LRRC70: variants seen among roughly 807,000 people sequenced by gnomAD.
The protein encoded by LRRC70 is leucine-rich repeat-containing protein 70.
Under a neutral mutation model 42.4 loss-of-function variants are expected in LRRC70, and 31 were observed. That is an observed-to-expected ratio of 0.73 (90% CI 0.55 to 0.99). LRRC70 has a LOEUF of 0.99. Ranked by LOEUF, LRRC70 falls within the 50% of genes least tolerant of loss-of-function variation. The pLI is 0.00. For missense variants in LRRC70, 643 were observed against 707.5 expected (o/e 0.91, Z 1.03); for synonymous variants, 270 against 262.9 (o/e 1.03, Z -0.26).
At position 62,581,138 on chromosome 5, in the gene LRRC70, T is replaced by A; in HGVS notation, c.1700T>A (p.Leu567His). 1 of 1,550,722 alleles carries A rather than the reference T, an allele frequency of 6.4e-7. No individual in the cohort carries two copies. Among genetic ancestry groups the A allele is most frequent in the Non-Finnish European group, 8.7e-7 (1 of 1,146,652 alleles). ...KASENSRENR[L>H]EYYSFYQSAR... is the part of the protein sequence containing the mutation. ...TCAGAAAACTCAAGGGAAAATAGAC[T>A]TGAATACTACAGCTTTTATCAGTCA... Residue 567 changes from leucine (L) to histidine (H), a missense_variant, in exon 2 of 2, where the codon CTT (leucine) becomes CAT (histidine). Physicochemically the swap from Leu to His is moderately conservative, Grantham distance 99. Transcript: ENST00000334994.
At chr5:62,579,370 T>C in intron 1 of LRRC70, 31 bp from the exon 2 acceptor site, 1 of 1,424,372 alleles carries the variant, frequency 7.0e-7, no homozygotes, top group South Asian at 1.2e-5. Context: ...GAAGTTTTCG[T>C]GATTTAAAGC....
rs1402323799 is a variant in LRRC70 at position 62,581,316 on chromosome 5, A to T, written c.*9A>T. 1.3e-6 allele frequency: 2 copies of T among 1,488,010 alleles called. No individual in the cohort carries two copies. Among genetic ancestry groups the T allele is most frequent in the Admixed American group, 5.5e-5 (2 of 36,670 alleles). 92.2% of individuals were successfully genotyped at this position (1,488,010 alleles called of 1,614,324 possible). ...AACATTCTGCTTTATAACTCAACTA[A>T]ATATTGTCTATAAGAAACTTCAGTG... On this transcript the variant is annotated 3_prime_UTR_variant, in exon 2 of 2. Transcript: ENST00000334994.
In LRRC70 at chr5:62,579,637, C is replaced by CT. The variant is rs1435193163; in HGVS notation, c.200dup (p.Thr68AspfsTer4). ...TCCTGAAAGTACAGTTTTTCTGTAT[C>CT]TGACTGGGAATAATATATCTTATAT... is the stretch of plus-strand genomic sequence containing the variant. On this transcript the variant is annotated frameshift_variant, in exon 2 of 2. Coordinates refer to ENST00000334994, the MANE Select transcript of LRRC70 (RefSeq NM_181506.5). LOFTEE classifies it high-confidence loss of function. The CT allele has an allele frequency of 6.5e-7, 1 of 1,549,722 alleles. No individual in the cohort carries two copies. The highest frequency in any genetic ancestry group is 1.2e-5 in the South Asian group (1 of 83,832).
Position 62,580,744 on chromosome 5 carries a change from A to C in LRRC70, c.1306A>C (p.Lys436Gln), listed in dbSNP as rs1580348562. ...TACTGCGCTAATGATGGCCTGGCAT[A>C]AAGTAACCACAAATGGCAGTCCTCT... is the stretch of plus-strand genomic sequence containing the variant. ...KTTALMMAWH[K>Q]VTTNGSPLEN... is the part of the protein sequence containing the mutation. The change falls in exon 2 of 2, where the codon AAA (lysine) becomes CAA (glutamine). Residue 436 changes from lysine to glutamine, a missense_variant. By Grantham distance (53) the Lys-to-Gln change is moderately conservative (BLOSUM62 1). Coordinates refer to ENST00000334994, the MANE Select transcript of LRRC70 (RefSeq NM_181506.5). 6.4e-7 allele frequency: 1 copy of C among 1,551,494 alleles called. No homozygotes were observed. Among genetic ancestry groups the C allele is most frequent in the East Asian group, 2.4e-5 (1 of 40,922 alleles).
chr5:62,580,981 CTAATT>C lies in LRRC70; in HGVS notation c.1545_1549del (p.Ile516TyrfsTer5). 6.4e-7 allele frequency: 1 copy of C among 1,551,144 alleles called. No homozygotes were observed. Among genetic ancestry groups the C allele is most frequent in the Non-Finnish European group, 8.7e-7 (1 of 1,146,792 alleles). On this transcript the variant is annotated frameshift_variant, in exon 2 of 2. Transcript: ENST00000334994. LOFTEE classifies it high-confidence loss of function. ...TGCTTCAATGTCAGGGAAAACATCT[CTAATT>C]TGTACACAAGAAGTTGAGAAGTTGA...
chr5:62,580,016 T>C lies in LRRC70; in HGVS notation c.578T>C (p.Leu193Ser), dbSNP rs184754326. The part of the protein sequence containing the change: ...RILDLSNNNI[L>S]RISESGFQHL... Reference sequence around the variant, plus strand: ...CTTGATTTATCAAACAATAACATTTTGAGGATATCAGAATCAGGCTTTCAA... The same window carrying C: ...CTTGATTTATCAAACAATAACATTTCGAGGATATCAGAATCAGGCTTTCAA... The change falls in exon 2 of 2, where the codon TTG becomes TCG. Residue 193 changes from leucine to serine, a missense_variant. Transcript: ENST00000334994. 4.5e-6 allele frequency: 7 copies of C among 1,551,300 alleles called. No individual in the cohort carries two copies. In the East Asian group the frequency reaches 1.7e-4, roughly 38 times the overall value.
rs1744485192 is a variant in LRRC70, at chr5:62,579,999, A to G, written c.561A>G (p.Leu187=). The change falls in exon 2 of 2, where the codon TTA becomes TTG. Residue 187 remains leucine, a synonymous_variant. Coordinates refer to ENST00000334994, the MANE Select transcript of LRRC70 (RefSeq NM_181506.5). The part of the protein sequence containing the change: ...VGMVALRILD[L]SNNNILRISE... ...TGGTTGCTCTTCGGATACTTGATTT[A>G]TCAAACAATAACATTTTGAGGATAT... The G allele has an allele frequency of 1.9e-6, 3 of 1,551,270 alleles. No individual in the cohort carries two copies. In the East Asian group the frequency reaches 7.3e-5, roughly 38 times the overall value.
In LRRC70 at chr5:62,579,834, A is replaced by G. The variant is rs1251954375; in HGVS notation, c.396A>G (p.Leu132=). 6.5e-7 allele frequency: 1 copy of G among 1,547,616 alleles called. No homozygotes were observed. The highest frequency in any genetic ancestry group is 8.7e-7 in the Non-Finnish European group (1 of 1,144,312). ...ATCCTGGAATATTTAAGGGACTTTTAAATCTTCGTAATTTATATTTACAGT... is the reference window on the plus strand; with the variant it reads ...ATCCTGGAATATTTAAGGGACTTTTGAATCTTCGTAATTTATATTTACAGT... ...RLDPGIFKGL[L]NLRNLYLQYN... The change falls in exon 2 of 2, where the codon TTA becomes TTG. Residue 132 remains leucine (L), a synonymous_variant. Coordinates refer to ENST00000334994, the MANE Select transcript of LRRC70 (RefSeq NM_181506.5).
intron 1 of LRRC70, 137 bp downstream of exon 1, chr5:62,579,072 A>T (rs1561370919): frequency 3.9e-6 from 1 of 255,734 alleles, no homozygotes; most frequent in African/African-American, 2.3e-5. Context: ...ATTAGACTTT[A>T]TGTTGTTAAA....
At position 62,581,021 on chromosome 5, in the gene LRRC70, T is replaced by C; in HGVS notation, c.1583T>C (p.Phe528Ser). Residue 528 changes from phenylalanine to serine, a missense_variant, in exon 2 of 2, where the codon TTT (phenylalanine) becomes TCT (serine). Physicochemically the swap from Phe to Ser is radical, Grantham distance 155. Coordinates refer to ENST00000334994, the MANE Select transcript of LRRC70 (RefSeq NM_181506.5). Reference sequence around the variant, plus strand: ...GAAGTTGAGAAGTTGAATGAGGCTTTTGACATTTTGCTAGCTTTTTTCATC... The same window carrying C: ...GAAGTTGAGAAGTTGAATGAGGCTTCTGACATTTTGCTAGCTTTTTTCATC... ...TQEVEKLNEA[F>S]DILLAFFILA... 6.4e-7 allele frequency: 1 copy of C among 1,551,236 alleles called. No homozygotes were observed. The highest frequency in any genetic ancestry group is 8.7e-7 in the Non-Finnish European group (1 of 1,146,860).
At position 62,580,939 on chromosome 5, in the gene LRRC70, G is replaced by A. The variant is rs778812439; in HGVS notation, c.1501G>A (p.Ala501Thr). 9 of 1,551,306 alleles carry A rather than the reference G, an allele frequency of 5.8e-6. No homozygotes were observed. Among genetic ancestry groups the A allele is most frequent in the Admixed American group, 2.0e-5 (1 of 50,962 alleles). Residue 501 changes from alanine (A) to threonine (T), a missense_variant, in exon 2 of 2, where the codon GCT (alanine) becomes ACT (threonine). Transcript: ENST00000334994. ...SVTLNLEKNS[A>T]LPNDAASMSG... ...TACCTTGAACTTGGAAAAAAACAGT[G>A]CTCTACCGAATGATGCTGCTTCAAT...
In LRRC70 at chr5:62,579,667, G is replaced by T. The variant is rs1347627059; in HGVS notation, c.229G>T (p.Glu77Ter). 1.3e-6 allele frequency: 2 copies of T among 1,546,464 alleles called. No homozygotes were observed. Among genetic ancestry groups the T allele is most frequent in the Admixed American group, 2.0e-5 (1 of 50,304 alleles). ...TGGGAATAATATATCTTATATAAAT[G>T]AAAGTGAATTAACAGGACTTCATTC... is the stretch of plus-strand genomic sequence containing the variant. ...LTGNNISYINESELTGLHSLV... is the reference protein window; with the variant it reads ...LTGNNISYIN The change falls in exon 2 of 2, where the codon GAA (glutamate) becomes TAA (stop). Residue 77 changes from glutamate to a stop codon, truncating the protein, a stop_gained. Transcript: ENST00000334994. LOFTEE classifies it high-confidence loss of function.
Position 62,580,337 on chromosome 5 carries a change from A to G in LRRC70, c.899A>G (p.Lys300Arg), listed in dbSNP as rs1744502912. ...NLNSDTFSLL[K>R]NLIYLKLDRN... ...AATTCTGACACATTCAGTTTGTTAA[A>G]GAATTTAATTTACCTTAAGTTAGAT... is the stretch of plus-strand genomic sequence containing the variant. Residue 300 changes from lysine to arginine, a missense_variant, in exon 2 of 2, where the codon AAG (lysine) becomes AGG (arginine). Transcript: ENST00000334994. The G allele has an allele frequency of 6.5e-7, 1 of 1,541,128 alleles. No homozygotes were observed. The highest frequency in any genetic ancestry group is 1.2e-5 in the South Asian group (1 of 83,800).
chr5:62,579,679 A>T lies in LRRC70; in HGVS notation c.241A>T (p.Thr81Ser). 6.5e-7 allele frequency: 1 copy of T among 1,547,580 alleles called. No homozygotes were observed. The highest frequency in any genetic ancestry group is 8.7e-7 in the Non-Finnish European group (1 of 1,145,024). Residue 81 changes from threonine (T) to serine (S), a missense_variant, in exon 2 of 2, where the codon ACA becomes TCA. Coordinates refer to ENST00000334994, the MANE Select transcript of LRRC70 (RefSeq NM_181506.5). ...ATCTTATATAAATGAAAGTGAATTAACAGGACTTCATTCTCTTGTAGCATT... is the reference window on the plus strand; with the variant it reads ...ATCTTATATAAATGAAAGTGAATTATCAGGACTTCATTCTCTTGTAGCATT... ...NISYINESEL[T>S]GLHSLVALYL...
rs1159468800 is a variant in LRRC70, at chr5:62,580,221, T to C, written c.783T>C (p.Asn261=). Residue 261 remains asparagine (N), a synonymous_variant, in exon 2 of 2, where the codon AAT becomes AAC. Coordinates refer to ENST00000334994, the MANE Select transcript of LRRC70 (RefSeq NM_181506.5). Reference sequence around the variant, plus strand: ...ATCTGGAATACCTCCTCCTGAAAAATTCAAGAATTAGGAATGTTACTAGGG... The same window carrying C: ...ATCTGGAATACCTCCTCCTGAAAAACTCAAGAATTAGGAATGTTACTAGGG... ...LANLEYLLLK[N]SRIRNVTRDG... is the part of the protein sequence containing the mutation. 2.0e-5 allele frequency: 31 copies of C among 1,550,728 alleles called. No individual in the cohort carries two copies. Among genetic ancestry groups the C allele is most frequent in the Non-Finnish European group, 2.5e-5 (29 of 1,146,410 alleles).
At chr5:62,579,043 A>G (rs1744435306) in intron 1 of LRRC70, 108 bp downstream of exon 1, 1 of 235,888 alleles carries the variant, frequency 4.2e-6, no homozygotes, top group African/African-American at 2.3e-5. Flanking sequence ...TATTTTCATA[A>G]ATTATAATGT....
intron 1 of LRRC70, 103 bp from the exon 2 acceptor site, chr5:62,579,298 T>A: frequency 1.3e-6 from 1 of 759,122 alleles, no homozygotes; most frequent in Non-Finnish European, 2.2e-6. Flanking sequence ...ATAGTATTAT[T>A]GGCTGATCCT....
chr5:62,580,353 T>C lies in LRRC70; in HGVS notation c.915T>C (p.Leu305=), dbSNP rs1265030562. The C allele has an allele frequency of 1.3e-6, 2 of 1,544,664 alleles. No individual in the cohort carries two copies. The highest frequency in any genetic ancestry group is 2.7e-5 in the African/African-American group (2 of 72,892). ...TFSLLKNLIY[L]KLDRNRIISI... ...GTTTGTTAAAGAATTTAATTTACCT[T>C]AAGTTAGATAGAAACAGAATAATTA... The change falls in exon 2 of 2, where the codon CTT becomes CTC. Residue 305 remains leucine (L), a synonymous_variant. Coordinates refer to ENST00000334994, the MANE Select transcript of LRRC70 (RefSeq NM_181506.5).
At position 62,580,472 on chromosome 5, in the gene LRRC70, T is replaced by C; in HGVS notation, c.1034T>C (p.Leu345Pro). 1 of 1,551,458 alleles carries C rather than the reference T, an allele frequency of 6.4e-7. No individual in the cohort carries two copies. Among genetic ancestry groups the C allele is most frequent in the Non-Finnish European group, 8.7e-7 (1 of 1,146,810 alleles). ...CTTACAGCCTTGCATCCAAGGGTCC[T>C]TAAGCCGTTGTCTTCATTGATTCAT... Reference protein sequence around the residue: ...NNLTALHPRVLKPLSSLIHLQ... With the variant: ...NNLTALHPRVPKPLSSLIHLQ... The change falls in exon 2 of 2, where the codon CTT becomes CCT. Residue 345 changes from leucine (L) to proline (P), a missense_variant. Leu to Pro is a moderately conservative substitution (Grantham distance 98). Coordinates refer to ENST00000334994, the MANE Select transcript of LRRC70 (RefSeq NM_181506.5).
Sources: gnomAD v4.1 joint callset for allele counts on GRCh38, gnomAD v4.1.1 for gene constraint, MANE v1.5 for transcripts, NCBI Gene and HGNC (gene_info 2026-07-23, HGNC 2026-07-21) for gene names.